Variants in TFAP2E observed in about 807,000 individuals in gnomAD.
The protein encoded by TFAP2E is transcription factor AP-2 epsilon, also known as transcription factor AP-2-epsilon.
A neutral mutation model predicts 37.9 loss-of-function variants in TFAP2E; 30 were observed. That is an observed-to-expected ratio of 0.79 (90% CI 0.59 to 1.07). TFAP2E has a LOEUF of 1.07. TFAP2E is among the 50% of genes least tolerant of loss of function. TFAP2E has a pLI of 0.00. For synonymous variants in TFAP2E, 318 were observed against 295.8 expected, an observed-to-expected ratio of 1.08 and a Z score of -0.77; for missense variants, 567 against 637.9, an observed-to-expected ratio of 0.89 and a Z score of 1.20.
rs113610044 is a variant in TFAP2E, at chr1:35,587,653, A to G, written c.563-677A>G. On this transcript the variant is annotated intron_variant, in intron 3 of 6. Coordinates refer to ENST00000373235, the MANE Select transcript of TFAP2E (RefSeq NM_178548.4). ...CTCCATCTCAAAAAAAAAAAAAAAA[A>G]AAAGAAAGAAAGAAAGAAAATTAAC... 4.3e-3 allele frequency among the ~76,000 whole-genome samples: 638 copies of G among 147,688 alleles called. 2 individuals carry two copies. Among genetic ancestry groups the G allele is most frequent in the Middle Eastern group, 6.9e-3 (2 of 290 alleles).
chr1:35,580,728 T>C (rs1259443880), intron 3 of TFAP2E, among the ~76,000 whole-genome samples: 2 of 151,950 alleles, frequency 1.3e-5, no homozygotes, highest in Non-Finnish European at 2.9e-5. Flanking sequence ...TGAGCTGAGA[T>C]TGCGCCACTG....
intron 3 of TFAP2E, among the ~76,000 whole-genome samples, chr1:35,587,754 A>C (rs1481718984): frequency 6.6e-6 from 1 of 151,992 alleles, no homozygotes; most frequent in East Asian, 1.9e-4. Flanking sequence ...TATAGGGCCT[A>C]TCTCCTGGTC....
At position 35,581,925 on chromosome 1, in the gene TFAP2E, GAGTGC is replaced by G. The variant is rs531484805; in HGVS notation, c.563-6400_563-6396del. Among the ~76,000 whole-genome samples, 499 of 151,126 alleles carry G rather than the reference GAGTGC, an allele frequency of 3.3e-3. 2 individuals are homozygous for G. Among genetic ancestry groups the G allele is most frequent in the Non-Finnish European group, 4.6e-3 (312 of 67,868 alleles). On this transcript the variant is annotated intron_variant, in intron 3 of 6. Transcript: ENST00000373235. ...GATTGTCTCTCTGTCACCCAGGCTG[GAGTGC>G]AGTGGCACAATCTCGGCTCACTGCA...
rs761256672 is a variant in TFAP2E at position 35,577,500 on chromosome 1, C to A, written c.562+2500C>A. The stretch of plus-strand genomic sequence containing the variant: ...GCCTGCCCCGCCAGGGCCCTGGAAT[C>A]AGAGAAAGTCGCTCTTTGGCCACCT... On this transcript the variant is annotated intron_variant, in intron 3 of 6. Coordinates refer to ENST00000373235, the MANE Select transcript of TFAP2E (RefSeq NM_178548.4). The surrounding 1 kb of genome is among the most constrained non-coding windows in gnomAD (Gnocchi z 6.3). The A allele has an allele frequency of 2.2e-6, 1 of 454,866 alleles. No individual in the cohort carries two copies. Among genetic ancestry groups the A allele is most frequent in the South Asian group, 1.6e-5 (1 of 64,506 alleles). 28.2% of individuals were successfully genotyped at this position (454,866 alleles called of 1,614,324 possible). A position where few individuals can be genotyped will look rare whatever the true frequency, so the allele number is the denominator to read the frequency against.
chr1:35,589,085 T>G (rs2148552712), intron 4 of TFAP2E, among the ~76,000 whole-genome samples: 1 of 152,148 alleles, frequency 6.6e-6, no homozygotes, highest in Non-Finnish European at 1.5e-5. Flanking sequence ...TGTGTGCGTG[T>G]GCATGTGTCT....
At chr1:35,581,661 CT>C (rs1444878238) in intron 3 of TFAP2E, among the ~76,000 whole-genome samples, 1 of 151,888 alleles carries the variant, frequency 6.6e-6, no homozygotes, top group Non-Finnish European at 1.5e-5. Context: ...TAACCTCTGC[CT>C]CCTGGGTTCA....
chr1:35,574,530 G>A, intron 2 of TFAP2E, 121 bp downstream of exon 2: 1 of 1,338,470 alleles, frequency 7.5e-7, no homozygotes, highest in African/African-American at 1.5e-5. Context: ...ACATCTCACT[G>A]GTGACTCCGA....
chr1:35,587,607 C>G (rs971191287), intron 3 of TFAP2E, among the ~76,000 whole-genome samples: 2 of 137,696 alleles, frequency 1.5e-5, no homozygotes, highest in African/African-American at 5.7e-5. Context: ...CACTGCACTC[C>G]AGCCTGGTGA....
intron 3 of TFAP2E, among the ~76,000 whole-genome samples, chr1:35,578,952 G>A (rs1649263861): frequency 6.7e-6 from 1 of 149,840 alleles, no homozygotes; most frequent in Non-Finnish European, 1.5e-5. Flanking sequence ...GTGTGGTGGC[G>A]CTAGCCTGTA....
chr1:35,573,742 A>T lies in TFAP2E; in HGVS notation c.27+138A>T. 2.1e-6 allele frequency: 3 copies of T among 1,410,582 alleles called. No individual in the cohort carries two copies. Among genetic ancestry groups the T allele is most frequent in the Non-Finnish European group, 2.8e-6 (3 of 1,068,294 alleles). 87.4% of individuals were successfully genotyped at this position (1,410,582 alleles called of 1,614,324 possible). A position where few individuals can be genotyped will look rare whatever the true frequency, so the allele number is the denominator to read the frequency against. On this transcript the variant is annotated intron_variant, in intron 1 of 6. Coordinates refer to ENST00000373235, the MANE Select transcript of TFAP2E (RefSeq NM_178548.4). This position sits in a 1 kb window ranked among gnomAD's most constrained non-coding sequence, Gnocchi z 5.9. Reference sequence around the variant, plus strand: ...AGGGACTTCGCCAGCTGAGAACGCGATGCGCAAGTGACCGCTGTCCCCAGC... The same window carrying T: ...AGGGACTTCGCCAGCTGAGAACGCGTTGCGCAAGTGACCGCTGTCCCCAGC...
In TFAP2E at chr1:35,573,964, C is replaced by A; in HGVS notation, c.65C>A (p.Ala22Asp). The change falls in exon 2 of 7, where the codon GCC becomes GAC. Residue 22 changes from alanine to aspartate, a missense_variant. By Grantham distance (126) the Ala-to-Asp change is moderately radical. Coordinates refer to ENST00000373235, the MANE Select transcript of TFAP2E (RefSeq NM_178548.4). The surrounding 1 kb of genome is among the most constrained non-coding windows in gnomAD (Gnocchi z 5.9). ...PDGLGAAAGGARLSSLPQAAY... is the reference protein window; with the variant it reads ...PDGLGAAAGGDRLSSLPQAAY... Reference sequence around the variant, plus strand: ...GGGCTGGGAGCAGCTGCCGGCGGGGCCCGCCTGTCGTCTCTGCCCCAGGCG... The same window carrying A: ...GGGCTGGGAGCAGCTGCCGGCGGGGACCGCCTGTCGTCTCTGCCCCAGGCG... 2 of 1,452,748 alleles carry A rather than the reference C, an allele frequency of 1.4e-6. No individual in the cohort carries two copies. The highest frequency in any genetic ancestry group is 9.0e-7 in the Non-Finnish European group (1 of 1,115,930). The allele number at this position is 1,452,748 out of a possible 1,614,324, so 90.0% of individuals were successfully genotyped here. A position where few individuals can be genotyped will look rare whatever the true frequency, so the allele number is the denominator to read the frequency against.
chr1:35,583,271 A>G (rs892095537), intron 3 of TFAP2E, among the ~76,000 whole-genome samples: 1 of 152,062 alleles, frequency 6.6e-6, no homozygotes, highest in Admixed American at 6.6e-5. Flanking sequence ...TGAGGTCACG[A>G]AGATTTTTCT....
In TFAP2E at chr1:35,594,683, C is replaced by T. The variant is rs1411779481; in HGVS notation, c.*7C>T. ...TGCCAAGCATCGGAAATAACTGCTTCTCCCACCCCATCCCTAAGGGGCTCC... is the reference window on the plus strand; with the variant it reads ...TGCCAAGCATCGGAAATAACTGCTTTTCCCACCCCATCCCTAAGGGGCTCC... On this transcript the variant is annotated 3_prime_UTR_variant, in exon 7 of 7. Transcript: ENST00000373235. 2 of 1,613,560 alleles carry T rather than the reference C, an allele frequency of 1.2e-6. No individual in the cohort carries two copies. The highest frequency in any genetic ancestry group is 1.7e-6 in the Non-Finnish European group (2 of 1,180,032).
In TFAP2E at chr1:35,576,073, G is replaced by T. The variant is rs1356446674; in HGVS notation, c.562+1073G>T. 2.6e-5 allele frequency among the ~76,000 whole-genome samples: 4 copies of T among 152,250 alleles called. No homozygotes were observed. The East Asian group carries it at 5.8e-4, about 22-fold the overall frequency. ...CATGAGCCTGAGGTGCCCCAGGCAGGCACTGCTCCCACAGGGTTTGGCTTG... is the reference window on the plus strand; with the variant it reads ...CATGAGCCTGAGGTGCCCCAGGCAGTCACTGCTCCCACAGGGTTTGGCTTG... On this transcript the variant is annotated intron_variant, in intron 3 of 6. Coordinates refer to ENST00000373235, the MANE Select transcript of TFAP2E (RefSeq NM_178548.4).
intron 3 of TFAP2E, among the ~76,000 whole-genome samples, chr1:35,580,077 G>A (rs888522456): frequency 2.6e-5 from 4 of 152,022 alleles, no homozygotes; most frequent in Non-Finnish European, 5.9e-5. Flanking sequence ...AGGCATGGTG[G>A]TGCACGCCTG....
Position 35,574,422 on chromosome 1 carries a change from G to A in TFAP2E, c.510+13G>A. The A allele has an allele frequency of 3.6e-6, 5 of 1,403,306 alleles. No individual in the cohort carries two copies. The highest frequency in any genetic ancestry group is 4.6e-6 in the Non-Finnish European group (5 of 1,086,982). 86.9% of individuals were successfully genotyped at this position (1,403,306 alleles called of 1,614,324 possible). On this transcript the variant is annotated intron_variant, in intron 2 of 6. Coordinates refer to ENST00000373235, the MANE Select transcript of TFAP2E (RefSeq NM_178548.4). ...GGAGGACCTGCAGGTGAGACCCGAG[G>A]GATCCGGGATGGGTCGGGACTGGCC...
At chr1:35,591,932 C>G (rs1468409637) in intron 6 of TFAP2E, among the ~76,000 whole-genome samples, 1 of 152,154 alleles carries the variant, frequency 6.6e-6, no homozygotes, top group African/African-American at 2.4e-5. Flanking sequence ...AGGTGATCCA[C>G]CCGCCTTGGA....
chr1:35,586,011 T>C (rs1023731822), intron 3 of TFAP2E, among the ~76,000 whole-genome samples: 3 of 151,902 alleles, frequency 2.0e-5, no homozygotes, highest in African/African-American at 7.3e-5. Context: ...ATTGTACCAC[T>C]GTACTCCAGC....
At chr1:35,580,903 A>C (rs901609751) in intron 3 of TFAP2E, among the ~76,000 whole-genome samples, 29 of 152,322 alleles carry the variant, frequency 1.9e-4, no homozygotes, top group African/African-American at 6.3e-4. Flanking sequence ...TAAAATTTAC[A>C]CATTGTAAGA....
Sources: allele counts gnomAD v4.1 joint callset (sites outside exome capture counted in the v4.1 genomes callset), GRCh38; gene constraint gnomAD v4.1.1; non-coding constraint Gnocchi (gnomAD v3.1); transcripts MANE v1.5; gene names NCBI Gene and HGNC (gene_info 2026-07-23, HGNC 2026-07-21).